Variants in UBN2 observed in about 807,000 individuals in gnomAD.
UBN2 encodes the protein ubinuclein 2, also known as ubinuclein-2.
Under a neutral mutation model 120.2 loss-of-function variants are expected in UBN2, and 35 were observed. The observed-to-expected ratio is 0.29, with a 90% confidence interval of 0.22 to 0.39. The LOEUF is 0.39. UBN2 is among the 10% of genes least tolerant of loss of function. UBN2 has a pLI of 1.00. For synonymous variants in UBN2, 661 were observed against 648.7 expected, an observed-to-expected ratio of 1.02 and a Z score of -0.29; for missense variants, 1,693 against 1,663.2, an observed-to-expected ratio of 1.02 and a Z score of -0.31.
intron 1 of UBN2, among the ~76,000 whole-genome samples, chr7:139,234,304 A>G (rs1796106403): frequency 1.3e-5 from 2 of 152,086 alleles, no homozygotes; most frequent in African/African-American, 4.8e-5. Flanking sequence ...AAAAAAAACA[A>G]ACAACAAAAG....
intron 15 of UBN2, among the ~76,000 whole-genome samples, chr7:139,290,508 AGGTTTCAGGCCTAAG>A (rs1797922416): frequency 6.6e-6 from 1 of 152,222 alleles, no homozygotes; most frequent in Non-Finnish European, 1.5e-5. Context: ...CTGAAAACTA[AGGTTTCAGGCCTAAG>A]GGACTGGAAA....
Position 139,297,889 on chromosome 7 carries a change from T to A in UBN2, c.*53T>A. ...GTTTAGTTGACTGATGGAATCTACCTGATGGGAAAGTACTTATGTGGTCAT... is the reference window on the plus strand; with the variant it reads ...GTTTAGTTGACTGATGGAATCTACCAGATGGGAAAGTACTTATGTGGTCAT... On this transcript the variant is annotated 3_prime_UTR_variant, in exon 18 of 18. Transcript: ENST00000473989. 1 of 1,591,620 alleles carries A rather than the reference T, an allele frequency of 6.3e-7. No individual in the cohort carries two copies. Among genetic ancestry groups the A allele is most frequent in the Non-Finnish European group, 8.6e-7 (1 of 1,159,800 alleles).
At chr7:139,282,215 A>C (rs1797634964) in intron 14 of UBN2, among the ~76,000 whole-genome samples, 160 bp downstream of exon 14, 1 of 152,184 alleles carries the variant, frequency 6.6e-6, no homozygotes, top group South Asian at 2.1e-4. Context: ...TTTTATCTTT[A>C]AAAATAAATA....
At chr7:139,273,528 G>GA (rs1186178769) in intron 10 of UBN2, 118 bp downstream of exon 10, 7 of 661,792 alleles carry the variant, frequency 1.1e-5, no homozygotes, top group Admixed American at 6.8e-5. Context: ...TAGTGTGTAG[G>GA]AAAAAATTAT....
chr7:139,255,434 A>G (rs951187856), intron 3 of UBN2, among the ~76,000 whole-genome samples: 1 of 152,164 alleles, frequency 6.6e-6, no homozygotes, highest in African/African-American at 2.4e-5. Flanking sequence ...TGTATTTTCC[A>G]CTTGGGCTGT....
chr7:139,293,565 G>A (rs1585031734), intron 16 of UBN2, 102 bp downstream of exon 16: 3 of 849,464 alleles, frequency 3.5e-6, no homozygotes, highest in Admixed American at 3.1e-5. Context: ...AGTTAATGAA[G>A]ATTATAGTTT....
At chr7:139,233,086 C>G (rs1796072190) in intron 1 of UBN2, among the ~76,000 whole-genome samples, 1 of 152,156 alleles carries the variant, frequency 6.6e-6, no homozygotes, top group African/African-American at 2.4e-5. Context: ...TGACTGACTG[C>G]TTAGTCACAA....
chr7:139,278,281 A>G (rs934550626), intron 12 of UBN2, among the ~76,000 whole-genome samples: 5 of 149,354 alleles, frequency 3.3e-5, no homozygotes, highest in Admixed American at 2.7e-4. Context: ...TCCCAGGTTC[A>G]GGCAATTCTC....
At chr7:139,281,839 A>C (rs1797620350) in intron 13 of UBN2, among the ~76,000 whole-genome samples, 166 bp from the exon 14 acceptor site, 1 of 152,210 alleles carries the variant, frequency 6.6e-6, no homozygotes, top group South Asian at 2.1e-4. Context: ...CATCTGCATT[A>C]CTCATTCTTC....
Position 139,281,990 on chromosome 7 carries a change from T to A in UBN2, c.2068-15T>A. ...GTAACAGTATTCTTAACAGCTTGCT[T>A]ATGTAATACCTTAGGAGGTGATGGT... On this transcript the variant is annotated splice_polypyrimidine_tract_variant and intron_variant, in intron 13 of 17. Transcript: ENST00000473989. 6.2e-7 allele frequency: 1 copy of A among 1,612,562 alleles called. No homozygotes were observed. The highest frequency in any genetic ancestry group is 1.1e-5 in the South Asian group (1 of 90,942).
chr7:139,272,476 T>A, intron 9 of UBN2, 36 bp downstream of exon 9: 1 of 1,490,620 alleles, frequency 6.7e-7, no homozygotes. Context: ...GCTTTTGCAT[T>A]TGAGAAGTGT....
chr7:139,235,178 C>T (rs1001202982), intron 1 of UBN2, among the ~76,000 whole-genome samples: 2 of 151,938 alleles, frequency 1.3e-5, no homozygotes, highest in East Asian at 1.9e-4. Context: ...TATATTTATA[C>T]ATATAAAATG....
rs969171448 is a variant in UBN2 at position 139,258,406 on chromosome 7, G to A, written c.664-82G>A. On this transcript the variant is annotated intron_variant, in intron 3 of 17. Transcript: ENST00000473989. ...GCAGTTAGGATTTAAGGGAGATGCT[G>A]CCATGGTGGATGAATTTCTTTGACA... 20 of 1,148,546 alleles carry A rather than the reference G, an allele frequency of 1.7e-5. No homozygotes were observed. In the Admixed American group the frequency reaches 4.9e-4, roughly 28 times the overall value. 71.1% of individuals were successfully genotyped at this position (1,148,546 alleles called of 1,614,324 possible). A position where few individuals can be genotyped will look rare whatever the true frequency, so the allele number is the denominator to read the frequency against.
chr7:139,231,780 TCCCGCCGCTGCCCTTGCAGCCGCC>T lies in UBN2; in HGVS notation c.305_328del (p.Leu102_Pro109del), dbSNP rs1796019698. ...CCGCGGCCCGAGCCGCCGCCGCCGT[TCCCGCCGCTGCCCTTGCAGCCGCC>T]CCCGCCGCGGGAGTCGGCTTCCCGG... On this transcript the variant is annotated inframe_deletion, in exon 1 of 18. Transcript: ENST00000473989. The T allele has an allele frequency of 2.3e-6, 3 of 1,290,598 alleles. No homozygotes were observed. The highest frequency in any genetic ancestry group is 3.2e-5 in the East Asian group (1 of 30,812). 79.9% of individuals were successfully genotyped at this position (1,290,598 alleles called of 1,614,324 possible).
chr7:139,285,249 G>A (rs1489118348), intron 15 of UBN2, among the ~76,000 whole-genome samples: 2 of 152,244 alleles, frequency 1.3e-5, no homozygotes, highest in East Asian at 3.9e-4. Context: ...GCTCGTGTCT[G>A]TAATACCAGC....
chr7:139,237,152 T>TAAACTGA, intron 2 of UBN2, 55 bp downstream of exon 2: 1 of 1,345,818 alleles, frequency 7.4e-7, no homozygotes, highest in Non-Finnish European at 1.0e-6. Flanking sequence ...CCTGTTTGCT[T>TAAACTGA]TCTGTGGCTG....
intron 3 of UBN2, among the ~76,000 whole-genome samples, chr7:139,257,487 C>T (rs1295070515): frequency 1.3e-5 from 2 of 152,172 alleles, no homozygotes; most frequent in Non-Finnish European, 2.9e-5. Context: ...TGGCTCACTG[C>T]ACCCTCCACC....
chr7:139,326,634 A>G, the UBN2 span, among the ~76,000 whole-genome samples: 1 of 152,210 alleles, frequency 6.6e-6, no homozygotes, highest in East Asian at 1.9e-4. Flanking sequence ...AATTCATTGA[A>G]TGATAAAATA....
chr7:139,299,722 C>T lies in UBN2; in HGVS notation c.*1886C>T, dbSNP rs905148740. ...GGGAGGATGTTGCAGAGAGGTTTGA[C>T]TTGAATTCAGTATGTTTGATGAAGA... On this transcript the variant is annotated 3_prime_UTR_variant, in exon 18 of 18. Transcript: ENST00000473989. 2 of 152,104 alleles carry T rather than the reference C, an allele frequency of 1.3e-5. No individual in the cohort carries two copies. The highest frequency in any genetic ancestry group is 2.9e-5 in the Non-Finnish European group (2 of 68,002). The allele number at this position is 152,104 out of a possible 1,614,324, so 9.4% of individuals were successfully genotyped here. A position where few individuals can be genotyped will look rare whatever the true frequency, so the allele number is the denominator to read the frequency against.
Sources: gnomAD v4.1 joint callset for allele counts (sites outside exome capture counted in the v4.1 genomes callset) on GRCh38, gnomAD v4.1.1 for gene constraint, MANE v1.5 for transcripts, NCBI Gene and HGNC (gene_info 2026-07-23, HGNC 2026-07-21) for gene names.